Variants in PTDSS1 observed in about 807,000 individuals in gnomAD.
PTDSS1 encodes PSS-1.
Under a neutral mutation model 70.5 loss-of-function variants are expected in PTDSS1, and 45 were observed. That is an observed-to-expected ratio of 0.64 (90% confidence interval 0.50 to 0.82). The LOEUF (loss-of-function observed/expected upper bound fraction) is 0.82, where lower values mean the gene tolerates loss of function less well. Among genes scored for constraint, PTDSS1 ranks in the 40% least tolerant of loss-of-function variants. PTDSS1 has a pLI of 0.00. For synonymous variants in PTDSS1, 188 were observed against 203.8 expected, an observed-to-expected ratio of 0.92 and a Z score of 0.66; for missense variants, 417 against 586.1, an observed-to-expected ratio of 0.71 and a Z score of 2.98.
chr8:96,299,804 C>T lies in PTDSS1; in HGVS notation c.711C>T (p.Cys237=), dbSNP rs911510872. ...GGGIWLGMVV[C]RFLEMRTYHW... The stretch of plus-strand genomic sequence containing the variant: ...GCATTTGGCTGGGCATGGTCGTTTG[C>T]CGGTTTTTAGAGATGAGGACTTACC... The change falls in exon 6 of 13, where the codon TGC becomes TGT. Residue 237 remains cysteine, a synonymous_variant. Transcript: ENST00000517309. 1.9e-6 allele frequency: 3 copies of T among 1,613,822 alleles called. No individual in the cohort carries two copies. The Admixed American group carries it at 5.0e-5, about 27-fold the overall frequency.
In PTDSS1 at chr8:96,287,066, C is replaced by T; in HGVS notation, c.361C>T (p.Leu121=). 1 of 1,613,998 alleles carries T rather than the reference C, an allele frequency of 6.2e-7. No individual in the cohort carries two copies. The highest frequency in any genetic ancestry group is 8.5e-7 in the Non-Finnish European group (1 of 1,179,860). The change falls in exon 4 of 13, where the codon CTG becomes TTG. Residue 121 remains leucine (L), a synonymous_variant. Transcript: ENST00000517309. ...YFLFLVFLLF[L]NFEQVKSLMY... is the part of the protein sequence containing the mutation. ...CCTGTTCCTGGTATTCCTACTCTTCCTGAATTTCGAGCAGGTTAAATCTCT... is the reference window on the plus strand; with the variant it reads ...CCTGTTCCTGGTATTCCTACTCTTCTTGAATTTCGAGCAGGTTAAATCTCT...
chr8:96,303,244 C>T (rs35916880), intron 6 of PTDSS1, among the ~76,000 whole-genome samples: 11,729 of 151,976 alleles, frequency 0.077, 513 homozygotes, highest in African/African-American at 0.1. Context: ...GCCAGTGTGC[C>T]GCAGATCTTC....
rs117487285 is a variant in PTDSS1 at position 96,266,890 on chromosome 8, G to A, written c.179+4671G>A. ...ATGTCCATAATACGATTTCTAATTT[G>A]TTAAAGGGGGAAATGTGCCATATAT... On this transcript the variant is annotated intron_variant, in intron 1 of 12. Transcript: ENST00000517309. Among the ~76,000 whole-genome samples, 36 of 152,056 alleles carry A rather than the reference G, an allele frequency of 2.4e-4. No homozygotes were observed. The East Asian group carries it at 6.4e-3, about 27-fold the overall frequency.
At chr8:96,271,377 C>G (rs554757032) in intron 1 of PTDSS1, among the ~76,000 whole-genome samples, 6 of 152,196 alleles carry the variant, frequency 3.9e-5, no homozygotes, top group African/African-American at 1.4e-4. Flanking sequence ...TAAAAAGCTT[C>G]CTTGTTTTTT....
chr8:96,300,528 C>T (rs1370652106), intron 6 of PTDSS1, among the ~76,000 whole-genome samples: 5 of 152,130 alleles, frequency 3.3e-5, no homozygotes, highest in African/African-American at 9.7e-5. Flanking sequence ...GTCATACCGC[C>T]GGCATTGCTT....
chr8:96,330,674 A>G (rs2130185978), intron 11 of PTDSS1: 1 of 364,170 alleles, frequency 2.7e-6, no homozygotes, highest in Non-Finnish European at 5.1e-6. Context: ...CCTGACCTTC[A>G]TTTAGTAGAT....
chr8:96,274,053 C>A (rs562766741), intron 2 of PTDSS1, among the ~76,000 whole-genome samples: 5 of 152,228 alleles, frequency 3.3e-5, no homozygotes, highest in African/African-American at 1.2e-4. Flanking sequence ...TTTCTTTTCT[C>A]TTATTCCCTT....
chr8:96,333,306 A>G (rs1243533289), intron 12 of PTDSS1, 151 bp from the exon 13 acceptor site: 5 of 707,056 alleles, frequency 7.1e-6, no homozygotes, highest in Middle Eastern at 3.9e-4. Context: ...TGTGTTTGAG[A>G]GCCTCGCCTT....
intron 10 of PTDSS1, among the ~76,000 whole-genome samples, chr8:96,322,497 C>T (rs561818085): frequency 1.3e-5 from 2 of 152,174 alleles, no homozygotes; most frequent in Admixed American, 6.5e-5. Context: ...ATCACTAACA[C>T]GCTCCTGTGA....
chr8:96,329,617 G>A (rs990221184), intron 10 of PTDSS1, among the ~76,000 whole-genome samples: 1 of 152,150 alleles, frequency 6.6e-6, no homozygotes, highest in East Asian at 1.9e-4. Flanking sequence ...AGGGCCTTAA[G>A]AGCATCTTTA....
At chr8:96,325,887 G>A (rs944994024) in intron 10 of PTDSS1, among the ~76,000 whole-genome samples, 1 of 152,078 alleles carries the variant, frequency 6.6e-6, no homozygotes, top group Non-Finnish European at 1.5e-5. Context: ...AGGAAATGCC[G>A]GCTTCCTTAG....
rs1473493431 is a variant in PTDSS1, at chr8:96,336,572, T to G, written c.*3006T>G. ...ATGTGCTCAGTGACTGCTGCAGAGTTCCTGGGCCACCCTAATGTTTACCAG... is the reference window on the plus strand; with the variant it reads ...ATGTGCTCAGTGACTGCTGCAGAGTGCCTGGGCCACCCTAATGTTTACCAG... On this transcript the variant is annotated 3_prime_UTR_variant, in exon 13 of 13. Coordinates refer to ENST00000517309, the MANE Select transcript of PTDSS1 (RefSeq NM_014754.3). The G allele has an allele frequency of 6.6e-6, 1 of 152,096 alleles. No individual in the cohort carries two copies. Among genetic ancestry groups the G allele is most frequent in the Admixed American group, 6.5e-5 (1 of 15,280 alleles). 9.4% of individuals were successfully genotyped at this position (152,096 alleles called of 1,614,324 possible).
rs1563568121 is a variant in PTDSS1 at position 96,287,098 on chromosome 8, T to C, written c.393T>C (p.Tyr131=). The part of the protein sequence containing the change: ...LNFEQVKSLM[Y]WLDPNLRYAT... ...TCGAGCAGGTTAAATCTCTAATGTA[T>C]TGGCTAGATCCAAATCTTCGATACG... Residue 131 remains tyrosine (Y), a synonymous_variant, in exon 4 of 13, where the codon TAT becomes TAC. Coordinates refer to ENST00000517309, the MANE Select transcript of PTDSS1 (RefSeq NM_014754.3). 1 of 1,614,180 alleles carries C rather than the reference T, an allele frequency of 6.2e-7. No individual in the cohort carries two copies. The highest frequency in any genetic ancestry group is 1.7e-5 in the Admixed American group (1 of 60,026).
intron 8 of PTDSS1, among the ~76,000 whole-genome samples, chr8:96,307,803 A>C (rs760480928): frequency 5.4e-4 from 83 of 152,368 alleles, no homozygotes; most frequent in Non-Finnish European, 1.0e-3. Context: ...TTTTCTTCTT[A>C]GAACAAAATA....
At chr8:96,322,470 A>C (rs976956920) in intron 10 of PTDSS1, among the ~76,000 whole-genome samples, 4 of 151,740 alleles carry the variant, frequency 2.6e-5, no homozygotes, top group Non-Finnish European at 5.9e-5. Flanking sequence ...TCAGGAACCC[A>C]CTCCCACGAT....
Position 96,292,524 on chromosome 8 carries a change from C to T in PTDSS1, c.442-2574C>T, listed in dbSNP as rs116026572. On this transcript the variant is annotated intron_variant, in intron 4 of 12. Coordinates refer to ENST00000517309, the MANE Select transcript of PTDSS1 (RefSeq NM_014754.3). Reference sequence around the variant, plus strand: ...CCAGATCATGAGGCAGAGGGCCCTGCCTGAGGCTAGGAGGCTGCCAGGGCT... The same window carrying T: ...CCAGATCATGAGGCAGAGGGCCCTGTCTGAGGCTAGGAGGCTGCCAGGGCT... Among the ~76,000 whole-genome samples the T allele has an allele frequency of 2.4e-3, 372 of 152,156 alleles. 2 individuals are homozygous for T. The highest frequency in any genetic ancestry group is 8.7e-3 in the African/African-American group (361 of 41,536).
chr8:96,313,966 TCTC>T (rs762668855), intron 9 of PTDSS1, among the ~76,000 whole-genome samples: 2 of 152,186 alleles, frequency 1.3e-5, no homozygotes, highest in Admixed American at 6.5e-5. Context: ...TCTACCCCTC[TCTC>T]CTCCTTACAA....
chr8:96,263,770 A>G (rs189038467), intron 1 of PTDSS1, among the ~76,000 whole-genome samples: 5 of 152,354 alleles, frequency 3.3e-5, no homozygotes, highest in Admixed American at 2.6e-4. Context: ...GCTGTACAAC[A>G]TAAAGGGAAT....
intron 10 of PTDSS1, among the ~76,000 whole-genome samples, chr8:96,321,574 T>C (rs1332476409): frequency 6.6e-6 from 1 of 152,222 alleles, no homozygotes; most frequent in Non-Finnish European, 1.5e-5. Flanking sequence ...TTTTACTGAT[T>C]TTATCGTATC....
Sources: gnomAD v4.1 joint callset for allele counts (sites outside exome capture counted in the v4.1 genomes callset) on GRCh38, gnomAD v4.1.1 for gene constraint, MANE v1.5 for transcripts, NCBI Gene and HGNC (gene_info 2026-07-23, HGNC 2026-07-21) for gene names.